GNAT2: variants seen among roughly 807,000 people sequenced by gnomAD.
GNAT2 encodes guanine nucleotide-binding protein G(t) subunit alpha-2.
In GNAT2, 32 loss-of-function variants were observed where a neutral mutation model predicts 40.9. The observed-to-expected ratio is 0.78, with a 90% confidence interval of 0.59 to 1.05. The LOEUF is 1.05. Ranked by LOEUF, GNAT2 falls within the 50% of genes least tolerant of loss-of-function variation. The probability of loss-of-function intolerance (pLI) is 0.00; values close to 1 mark genes in which losing one functional copy is unlikely to be tolerated. For missense variants in GNAT2, 355 were observed against 431.5 expected, an observed-to-expected ratio of 0.82 and a Z score of 1.57; for synonymous variants, 141 against 157.2, an observed-to-expected ratio of 0.90 and a Z score of 0.77.
rs780632327 is a variant in GNAT2 at position 109,608,829 on chromosome 1, T to C, written c.304-41A>G. 31 of 1,562,676 alleles carry C rather than the reference T, an allele frequency of 2.0e-5. No individual in the cohort carries two copies. In the South Asian group the frequency reaches 3.3e-4, roughly 17 times the overall value. The stretch of plus-strand genomic sequence containing the variant: ...CTGGTTAAGAACTTCACAGGAGTAA[T>C]AGCTTTCCAGGAGGCTTCTGGGAAT... On this transcript the variant is annotated intron_variant, in intron 4 of 8. Transcript: ENST00000679935.
chr1:109,613,369 T>G (rs182641908), intron 1 of GNAT2: 39 of 208,598 alleles, frequency 1.9e-4, no homozygotes, highest in African/African-American at 8.5e-4. Flanking sequence ...GATTATAAGG[T>G]CTTGATCTCA....
At chr1:109,619,199 G>A (rs1024617402) in intron 1 of GNAT2, among the ~76,000 whole-genome samples, 20 of 152,128 alleles carry the variant, frequency 1.3e-4, no homozygotes, top group Non-Finnish European at 2.6e-4. Context: ...CTAAAGCAAT[G>A]GTAATACATG....
intron 2 of GNAT2, chr1:109,612,386 T>G (rs568624780): frequency 5.8e-6 from 2 of 343,442 alleles, no homozygotes; most frequent in South Asian, 2.4e-5. Context: ...CTCTTCTGAT[T>G]TCTTGGCTTA....
intron 1 of GNAT2, 95 bp from the exon 2 acceptor site, chr1:109,613,018 G>A (rs1649849572): frequency 1.3e-6 from 1 of 746,308 alleles, no homozygotes; most frequent in East Asian, 2.5e-5. Flanking sequence ...AGGTGAGAGA[G>A]CAGGCTGTAG....
At position 109,610,131 on chromosome 1, in the gene GNAT2, G is replaced by A. The variant is rs1649750166; in HGVS notation, c.212C>T (p.Ala71Val). The A allele has an allele frequency of 6.2e-6, 10 of 1,613,546 alleles. No homozygotes were observed. Among genetic ancestry groups the A allele is most frequent in the Non-Finnish European group, 8.5e-6 (10 of 1,179,454 alleles). ...YSPEECLEFK[A>V]IIYGNVLQSI... ...CTGCAGCACATTTCCATAGATGATAGCCTTGAACTCCAGGCATTCTTCTGG... is the reference window on the plus strand; with the variant it reads ...CTGCAGCACATTTCCATAGATGATAACCTTGAACTCCAGGCATTCTTCTGG... Residue 71 changes from alanine (A) to valine (V), a missense_variant, in exon 4 of 9, where the codon GCT becomes GTT. Transcript: ENST00000679935.
At chr1:109,610,733 T>C (rs1649768928) in intron 2 of GNAT2, 1 of 606,212 alleles carries the variant, frequency 1.6e-6, no homozygotes, top group African/African-American at 1.8e-5. Context: ...GGCTGTCTCA[T>C]GCATGGTAGG....
chr1:109,606,246 C>T lies in GNAT2; in HGVS notation c.590+62G>A, dbSNP rs74113953. The T allele has an allele frequency of 2.8e-3, 4,416 of 1,592,520 alleles. 101 individuals carry two copies. The African/African-American group carries it at 0.048, about 17-fold the overall frequency. On this transcript the variant is annotated intron_variant, in intron 6 of 8. Transcript: ENST00000679935. ...CTTCACCAAAGGCCAAGAAGCCTGC[C>T]TGTGCCCCTTTTCAGGATTCCACAC...
intron 2 of GNAT2, chr1:109,612,129 C>T (rs540502189): frequency 6.0e-6 from 1 of 166,992 alleles, no homozygotes; most frequent in East Asian, 1.7e-4. Context: ...CTTAGGAGCT[C>T]ATCAAGTTGA....
At position 109,612,929 on chromosome 1, in the gene GNAT2, T is replaced by A; in HGVS notation, c.-53-6A>T. On this transcript the variant is annotated splice_region_variant and splice_polypyrimidine_tract_variant and intron_variant, in intron 1 of 8. Transcript: ENST00000679935. Reference sequence around the variant, plus strand: ...ATCCTCTCTCGTAAGGTTTCCTGTATGTGAGATGGAAGAGAAGGAAAAAAG... The same window carrying A: ...ATCCTCTCTCGTAAGGTTTCCTGTAAGTGAGATGGAAGAGAAGGAAAAAAG... 1 of 1,147,548 alleles carries A rather than the reference T, an allele frequency of 8.7e-7. No homozygotes were observed. The highest frequency in any genetic ancestry group is 1.3e-6 in the Non-Finnish European group (1 of 757,570). The allele number at this position is 1,147,548 out of a possible 1,614,324, so 71.1% of individuals were successfully genotyped here.
intron 1 of GNAT2, 23 bp from the exon 2 acceptor site, chr1:109,612,946 G>A (rs1649847243): frequency 2.9e-6 from 3 of 1,040,988 alleles, no homozygotes; most frequent in Non-Finnish European, 4.5e-6. Flanking sequence ...TGGAAGAGAA[G>A]GAAAAAAGTT....
At chr1:109,610,256 T>A in intron 3 of GNAT2, 75 bp from the exon 4 acceptor site, 1 of 1,500,882 alleles carries the variant, frequency 6.7e-7, no homozygotes, top group Non-Finnish European at 9.3e-7. Flanking sequence ...TTGGGGGTAT[T>A]TAAAGGATCA....
chr1:109,618,369 C>T (rs1388807166), intron 1 of GNAT2: 1 of 152,148 alleles, frequency 6.6e-6, no homozygotes, highest in African/African-American at 2.4e-5. Flanking sequence ...CATAAACATT[C>T]CCCTATTGTT....
At chr1:109,614,654 T>C (rs1465516883) in intron 1 of GNAT2, 2 of 152,184 alleles carry the variant, frequency 1.3e-5, no homozygotes, top group Admixed American at 1.3e-4. Flanking sequence ...GGTCGAAGGA[T>C]GTAATTTGCT....
At chr1:109,603,766 C>G (rs1649506338) in intron 8 of GNAT2, 185 bp downstream of exon 8, 5 of 665,500 alleles carry the variant, frequency 7.5e-6, no homozygotes, top group Non-Finnish European at 5.3e-6. Context: ...CAGTAGGTAT[C>G]ATATGAAGTC....
Position 109,603,141 on chromosome 1 carries a change from G to A in GNAT2, c.*213C>T. The A allele has an allele frequency of 5.3e-6, 1 of 189,328 alleles. No homozygotes were observed. Among genetic ancestry groups the A allele is most frequent in the South Asian group, 5.9e-5 (1 of 17,024 alleles). The allele number at this position is 189,328 out of a possible 1,614,324, so 11.7% of individuals were successfully genotyped here. A position where few individuals can be genotyped will look rare whatever the true frequency, so the allele number is the denominator to read the frequency against. On this transcript the variant is annotated 3_prime_UTR_variant, in exon 9 of 9. Transcript: ENST00000679935. ...GTTGGAAAACCAGTACTGGAACCTG[G>A]GGGGTCTTCTAACTACTGGCCTGTG...
intron 5 of GNAT2, chr1:109,607,853 T>C (rs1174453262): frequency 6.5e-6 from 1 of 152,842 alleles, no homozygotes; most frequent in Non-Finnish European, 1.5e-5. Flanking sequence ...GTAAAGGGCG[T>C]TGAGATGGTA....
intron 3 of GNAT2, 68 bp from the exon 4 acceptor site, chr1:109,610,249 G>C: frequency 1.3e-6 from 2 of 1,536,732 alleles, no homozygotes; most frequent in African/African-American, 2.7e-5. Flanking sequence ...TAGGAATTTG[G>C]GGGTATTTAA....
At position 109,612,881 on chromosome 1, in the gene GNAT2, T is replaced by C; in HGVS notation, c.-11A>G. ...GGCTCCACTTCCCATATTTGCCGTC[T>C]TGTCAGCTTTTTCAGGCCCCTAATC... On this transcript the variant is annotated 5_prime_UTR_variant, in exon 2 of 9. Transcript: ENST00000679935. 6.5e-7 allele frequency: 1 copy of C among 1,548,604 alleles called. No individual in the cohort carries two copies. Among genetic ancestry groups the C allele is most frequent in the Non-Finnish European group, 8.9e-7 (1 of 1,120,794 alleles).
chr1:109,605,557 G>A, intron 7 of GNAT2: 1 of 314,518 alleles, frequency 3.2e-6, no homozygotes, highest in Non-Finnish European at 6.2e-6. Flanking sequence ...CTTCTATTAT[G>A]TTGCAATGAA....
Sources: gnomAD v4.1 joint callset for allele counts (sites outside exome capture counted in the v4.1 genomes callset) on GRCh38, gnomAD v4.1.1 for gene constraint, MANE v1.5 for transcripts, NCBI Gene and HGNC (gene_info 2026-07-23, HGNC 2026-07-21) for gene names.